DYNC1H1: variants seen among roughly 807,000 people sequenced by gnomAD.
DYNC1H1 encodes the protein dynein cytoplasmic 1 heavy chain 1, also known as cytoplasmic dynein 1 heavy chain 1.
DYNC1H1 carries 51 observed loss-of-function variants against 527.1 expected under a neutral mutation model. The ratio of observed to expected loss-of-function variants is 0.10; its 90% CI spans 0.08 to 0.12. DYNC1H1 has a LOEUF of 0.12. Ranked by LOEUF, DYNC1H1 falls within the 10% of genes least tolerant of loss-of-function variation. The pLI is 1.00. For synonymous variants in DYNC1H1, 2,189 were observed against 2,278.8 expected, an observed-to-expected ratio of 0.96 and a Z score of 1.12; for missense variants, 2,771 against 5,971.8, an observed-to-expected ratio of 0.46 and a Z score of 17.66.
In DYNC1H1 at chr14:102,029,766, T is replaced by C. The variant is rs1444014158; in HGVS notation, c.9643-53T>C. On this transcript the variant is annotated intron_variant, in intron 49 of 77. Coordinates refer to ENST00000360184, the MANE Select transcript of DYNC1H1 (RefSeq NM_001376.5). The surrounding 1 kb of genome is among the most constrained non-coding windows in gnomAD (Gnocchi z 5.3). The stretch of plus-strand genomic sequence containing the variant: ...GAGTGAGCTGCAGTGAGGACCCCTT[T>C]CCATATAATTTCTGCATGTTTCTCG... The C allele has an allele frequency of 6.2e-7, 1 of 1,614,074 alleles. No individual in the cohort carries two copies. Among genetic ancestry groups the C allele is most frequent in the African/African-American group, 1.3e-5 (1 of 74,928 alleles).
Position 101,986,836 on chromosome 14 carries a change from C to T in DYNC1H1, c.2538+73C>T. ...AGTAATAGCGAGCTCAGTTAAAACA[C>T]TAGTTCTCCCGAAGAAGGCATGCAT... On this transcript the variant is annotated intron_variant, in intron 8 of 77. Transcript: ENST00000360184. This position sits in a 1 kb window ranked among gnomAD's most constrained non-coding sequence, Gnocchi z 8.7. 5.8e-6 allele frequency: 9 copies of T among 1,545,172 alleles called. No homozygotes were observed. In the South Asian group the frequency reaches 1.0e-4, roughly 17 times the overall value.
rs1190608 is a variant in DYNC1H1, at chr14:102,051,014, A to G, written c.*451A>G. 1,436 of 274,292 alleles carry G rather than the reference A, an allele frequency of 5.2e-3. 27 individuals are homozygous for G. The highest frequency in any genetic ancestry group is 0.029 in the African/African-American group (1,329 of 45,098). The allele number at this position is 274,292 out of a possible 1,614,324, so 17.0% of individuals were successfully genotyped here. A position where few individuals can be genotyped will look rare whatever the true frequency, so the allele number is the denominator to read the frequency against. On this transcript the variant is annotated 3_prime_UTR_variant, in exon 78 of 78. Coordinates refer to ENST00000360184, the MANE Select transcript of DYNC1H1 (RefSeq NM_001376.5). ...GCTCTGAAGGCCCTGGGGCCCGGGC[A>G]CCATGGTTCACACCTTTAATCGCAG...
In DYNC1H1 at chr14:101,965,228, G is replaced by C. The variant is rs1379575442; in HGVS notation, c.256+281G>C. Among the ~76,000 whole-genome samples the C allele has an allele frequency of 6.6e-6, 1 of 152,170 alleles. No homozygotes were observed. ...GCGCCCCGCTCCTGGTCGCGGGGAG[G>C]GGAAAGGGGTCCCCGTCTGCCGTCA... On this transcript the variant is annotated intron_variant, in intron 1 of 77. Transcript: ENST00000360184. The surrounding 1 kb of genome is among the most constrained non-coding windows in gnomAD (Gnocchi z 4.1).
Position 102,017,688 on chromosome 14 carries a change from C to T in DYNC1H1, c.8177+184C>T, listed in dbSNP as rs951704127. 31 of 1,193,776 alleles carry T rather than the reference C, an allele frequency of 2.6e-5. No homozygotes were observed. The highest frequency in any genetic ancestry group is 2.8e-4 in the Middle Eastern group (1 of 3,626). The allele number at this position is 1,193,776 out of a possible 1,614,324, so 73.9% of individuals were successfully genotyped here. A position where few individuals can be genotyped will look rare whatever the true frequency, so the allele number is the denominator to read the frequency against. On this transcript the variant is annotated intron_variant, in intron 40 of 77. Transcript: ENST00000360184. This position sits in a 1 kb window ranked among gnomAD's most constrained non-coding sequence, Gnocchi z 4.6. ...ACATGTTAAAAATAAAAGCATTGGCCGGGCGCAGTGGCTTACGCCTATAAT... is the reference window on the plus strand; with the variant it reads ...ACATGTTAAAAATAAAAGCATTGGCTGGGCGCAGTGGCTTACGCCTATAAT...
At position 102,042,146 on chromosome 14, in the gene DYNC1H1, C is replaced by T. The variant is rs773800628; in HGVS notation, c.12214+22C>T. The stretch of plus-strand genomic sequence containing the variant: ...ATCGGTAAGGATGCTTGAGGGGCTT[C>T]ATGGGCTGGAGCCCTGCAGGATTTG... On this transcript the variant is annotated intron_variant, in intron 66 of 77. Transcript: ENST00000360184. This position sits in a 1 kb window ranked among gnomAD's most constrained non-coding sequence, Gnocchi z 5.7. 2.4e-5 allele frequency: 38 copies of T among 1,613,938 alleles called. No homozygotes were observed. Among genetic ancestry groups the T allele is most frequent in the Non-Finnish European group, 2.9e-5 (34 of 1,180,010 alleles).
intron 10 of DYNC1H1, among the ~76,000 whole-genome samples, chr14:101,989,111 C>T (rs144269406): frequency 6.6e-6 from 1 of 152,264 alleles, no homozygotes; most frequent in East Asian, 1.9e-4. Flanking sequence ...TTGGAGAAAG[C>T]TGGTGGAGGA....
rs1595617173 is a variant in DYNC1H1 at position 102,015,962 on chromosome 14, C to T, written c.7349C>T (p.Thr2450Ile). The change falls in exon 36 of 78, where the codon ACA becomes ATA. Residue 2450 changes from threonine (T) to isoleucine (I), a missense_variant. Physicochemically the swap from Thr to Ile is moderately conservative, Grantham distance 89 (BLOSUM62 -1). Coordinates refer to ENST00000360184, the MANE Select transcript of DYNC1H1 (RefSeq NM_001376.5). This position sits in a 1 kb window ranked among gnomAD's most constrained non-coding sequence, Gnocchi z 6.9. ...CAGCTGGAGCACATCATGGACCTAA[C>T]ACGCCTGCGCTGCCTGGGCTCGCTC... Reference protein sequence around the residue: ...AFQLEHIMDLTRLRCLGSLFS... With the variant: ...AFQLEHIMDLIRLRCLGSLFS... The T allele has an allele frequency of 2.5e-6, 4 of 1,614,042 alleles. No homozygotes were observed. Among genetic ancestry groups the T allele is most frequent in the Non-Finnish European group, 3.4e-6 (4 of 1,180,056 alleles).
rs773154187 is a variant in DYNC1H1, at chr14:102,029,548, C to T, written c.9478C>T (p.Arg3160Trp). The T allele has an allele frequency of 6.2e-7, 1 of 1,614,156 alleles. No homozygotes were observed. Among genetic ancestry groups the T allele is most frequent in the Non-Finnish European group, 8.5e-7 (1 of 1,180,036 alleles). ...AACTATTTTCTGAAAGGCGAATGCT[C>T]GGCTAGCAAAGCGAGGCGGCAGAAC... The part of the protein sequence containing the change: ...VHQTLHQANA[R>W]LAKRGGRTMA... The change falls in exon 49 of 78, where the codon CGG becomes TGG. Residue 3160 changes from arginine to tryptophan, a missense_variant. Arg to Trp is a moderately radical substitution (Grantham distance 101). This residue lies in a region of DYNC1H1 where 67 missense variants were observed against 128.2 expected (regional missense o/e 0.52). Transcript: ENST00000360184. The surrounding 1 kb of genome is among the most constrained non-coding windows in gnomAD (Gnocchi z 5.3).
Position 102,011,798 on chromosome 14 carries a change from C to G in DYNC1H1, c.6619-77C>G. ...ACATAATGTTTCTTGCTCACTTTCA[C>G]AAGAGGTGGCTGGGCGAGGAGCTGT... is the stretch of plus-strand genomic sequence containing the variant. On this transcript the variant is annotated intron_variant, in intron 32 of 77. Transcript: ENST00000360184. The surrounding 1 kb of genome is among the most constrained non-coding windows in gnomAD (Gnocchi z 5.3). 1 of 1,472,722 alleles carries G rather than the reference C, an allele frequency of 6.8e-7. No homozygotes were observed. Among genetic ancestry groups the G allele is most frequent in the South Asian group, 1.1e-5 (1 of 87,786 alleles). 91.2% of individuals were successfully genotyped at this position (1,472,722 alleles called of 1,614,324 possible).
At chr14:101,975,829 A>C in intron 2 of DYNC1H1, 30 bp downstream of exon 2, 40 of 1,507,090 alleles carry the variant, frequency 2.7e-5, no homozygotes, top group Non-Finnish European at 3.3e-5. Context: ...CCATTATCTC[A>C]GGTTATAAAT....
At chr14:101,995,324 A>T in intron 15 of DYNC1H1, 24 bp downstream of exon 15, 2 of 1,613,730 alleles carry the variant, frequency 1.2e-6, no homozygotes, top group South Asian at 1.1e-5. Context: ...ATATTTAAAA[A>T]TTTTTGGCTG....
At chr14:102,022,964 A>G (rs1272012451) in intron 43 of DYNC1H1, 84 bp downstream of exon 43, 4 of 1,599,878 alleles carry the variant, frequency 2.5e-6, no homozygotes, top group Non-Finnish European at 2.6e-6. Flanking sequence ...ATTATCTTCT[A>G]CTCAAAAATA....
In DYNC1H1 at chr14:102,027,358, A is replaced by C; in HGVS notation, c.8887-25A>C. The C allele has an allele frequency of 1.2e-6, 2 of 1,614,052 alleles. No individual in the cohort carries two copies. Among genetic ancestry groups the C allele is most frequent in the Admixed American group, 1.7e-5 (1 of 59,994 alleles). The stretch of plus-strand genomic sequence containing the variant: ...TGCAGAGCTCAGTGAGTAGGAATGG[A>C]CCTAACTTGCCTCTGCTTCTGTAGG... On this transcript the variant is annotated intron_variant, in intron 45 of 77. Transcript: ENST00000360184. This position sits in a 1 kb window ranked among gnomAD's most constrained non-coding sequence, Gnocchi z 7.7.
At position 102,049,230 on chromosome 14, in the gene DYNC1H1, T is replaced by C; in HGVS notation, c.13373-210T>C. The stretch of plus-strand genomic sequence containing the variant: ...TAATTTGACCCTAGAAACTGCACGG[T>C]TCTGAGACATGCTCTGGACCAGCCT... On this transcript the variant is annotated intron_variant, in intron 74 of 77. Transcript: ENST00000360184. This position sits in a 1 kb window ranked among gnomAD's most constrained non-coding sequence, Gnocchi z 5.5. 1 of 673,108 alleles carries C rather than the reference T, an allele frequency of 1.5e-6. No individual in the cohort carries two copies. The highest frequency in any genetic ancestry group is 1.7e-5 in the South Asian group (1 of 57,478). The allele number at this position is 673,108 out of a possible 1,614,324, so 41.7% of individuals were successfully genotyped here. A position where few individuals can be genotyped will look rare whatever the true frequency, so the allele number is the denominator to read the frequency against.
chr14:102,022,379 G>A (rs529407870), intron 42 of DYNC1H1, among the ~76,000 whole-genome samples: 3 of 151,700 alleles, frequency 2.0e-5, no homozygotes, highest in East Asian at 3.9e-4. Context: ...GGTGGCGGGC[G>A]CCTGTAGTCC....
In DYNC1H1 at chr14:101,965,270, C is replaced by G. The variant is rs368543306; in HGVS notation, c.256+323C>G. Among the ~76,000 whole-genome samples the G allele has an allele frequency of 2.6e-5, 4 of 152,322 alleles. No individual in the cohort carries two copies. The highest frequency in any genetic ancestry group is 2.0e-4 in the Admixed American group (3 of 15,306). ...CTGCCGTCACCCAAAACAATGGGGT[C>G]GCTTTGTCTGCTCGGGCCTCTCAAG... On this transcript the variant is annotated intron_variant, in intron 1 of 77. Transcript: ENST00000360184. The surrounding 1 kb of genome is among the most constrained non-coding windows in gnomAD (Gnocchi z 4.1).
Position 102,042,194 on chromosome 14 carries a change from C to T in DYNC1H1, c.12215-34C>T. On this transcript the variant is annotated intron_variant, in intron 66 of 77. Transcript: ENST00000360184. The surrounding 1 kb of genome is among the most constrained non-coding windows in gnomAD (Gnocchi z 5.7). ...TTGTGGTGGGCATTGATGTCCGAGG[C>T]TGCCGCTGCTAACACTAAGTTTCCC... 1.9e-6 allele frequency: 3 copies of T among 1,613,996 alleles called. No individual in the cohort carries two copies. The highest frequency in any genetic ancestry group is 2.5e-6 in the Non-Finnish European group (3 of 1,180,010).
chr14:102,014,770 T>C (rs535051738), intron 34 of DYNC1H1, among the ~76,000 whole-genome samples: 1 of 152,288 alleles, frequency 6.6e-6, no homozygotes, highest in East Asian at 1.9e-4. Context: ...GAATGGTGAA[T>C]ACTGTAGTGA....
At position 102,001,134 on chromosome 14, in the gene DYNC1H1, T is replaced by C; in HGVS notation, c.4186-11T>C. 6.2e-7 allele frequency: 1 copy of C among 1,614,250 alleles called. No individual in the cohort carries two copies. Among genetic ancestry groups the C allele is most frequent in the Non-Finnish European group, 8.5e-7 (1 of 1,180,050 alleles). On this transcript the variant is annotated splice_polypyrimidine_tract_variant and intron_variant, in intron 19 of 77. Coordinates refer to ENST00000360184, the MANE Select transcript of DYNC1H1 (RefSeq NM_001376.5). This position sits in a 1 kb window ranked among gnomAD's most constrained non-coding sequence, Gnocchi z 5.0. ...CACCTGCACAGATCACTTTGTTTAC[T>C]TTCTCCACAGATAAATATGCTGGTG...
Sources: gnomAD v4.1 joint callset for allele counts (sites outside exome capture counted in the v4.1 genomes callset) on GRCh38, gnomAD v4.1.1 for gene constraint, gnomAD v4.1.1 regional missense constraint, Gnocchi (gnomAD v3.1) non-coding constraint, MANE v1.5 for transcripts, NCBI Gene and HGNC (gene_info 2026-07-23, HGNC 2026-07-21) for gene names.